Variants in BRD4 observed in about 807,000 individuals in gnomAD.
BRD4 encodes bromodomain-containing protein 4.
BRD4 carries 16 observed loss-of-function variants against 142.1 expected under a neutral mutation model. The observed-to-expected ratio is 0.11, with a 90% CI of 0.08 to 0.17. The LOEUF (loss-of-function observed/expected upper bound fraction) is 0.17. BRD4 is among the 10% of genes least tolerant of loss of function. The probability of loss-of-function intolerance (pLI) is 1.00; values close to 1 mark genes in which losing one functional copy is unlikely to be tolerated. For missense variants in BRD4, 1,424 were observed against 1,810.9 expected, an observed-to-expected ratio of 0.79 and a Z score of 3.88; for synonymous variants, 833 against 707.5, an observed-to-expected ratio of 1.18 and a Z score of -2.82.
At chr19:15,246,985 T>C (rs945020039) in intron 11 of BRD4, 2 of 180,772 alleles carry the variant, frequency 1.1e-5, no homozygotes, top group Non-Finnish European at 1.2e-5. Flanking sequence ...GTGCACAGCT[T>C]CACAACACAC....
intron 11 of BRD4, 176 bp from the exon 12 acceptor site, chr19:15,244,938 C>T (rs550335942): frequency 1.7e-6 from 2 of 1,146,440 alleles, no homozygotes; most frequent in South Asian, 1.6e-5. Context: ...GAGAGACATG[C>T]GAGGCATCAC....
At position 15,239,708 on chromosome 19, in the gene BRD4, C is replaced by G; in HGVS notation, c.3396G>C (p.Glu1132Asp). 1 of 1,596,860 alleles carries G rather than the reference C, an allele frequency of 6.3e-7. No homozygotes were observed. Among genetic ancestry groups the G allele is most frequent in the Non-Finnish European group, 8.5e-7 (1 of 1,178,238 alleles). ...SEPFSPSLRP[E>D]PPKHPESIKA... ...TGATGCTCTCCGGGTGCTTGGGGGG[C>G]TCCGGCCGCAGCGAGGGGCTGAAGG... Residue 1132 changes from glutamate (E) to aspartate (D), a missense_variant, in exon 16 of 20, where the codon GAG becomes GAC. Glu to Asp is a conservative substitution (Grantham distance 45). Coordinates refer to ENST00000679869, the MANE Select transcript of BRD4 (RefSeq NM_001379291.1). This position sits in a 1 kb window ranked among gnomAD's most constrained non-coding sequence, Gnocchi z 7.4.
chr19:15,252,804 C>G (rs1411915189), intron 11 of BRD4, among the ~76,000 whole-genome samples: 2 of 152,170 alleles, frequency 1.3e-5, no homozygotes, highest in African/African-American at 4.8e-5. Flanking sequence ...CAAGGCAAGT[C>G]TCCTCACTCA....
chr19:15,330,154 TACTCGGAGGTGG>T (rs1419235352), intron 1 of BRD4, among the ~76,000 whole-genome samples: 2 of 152,254 alleles, frequency 1.3e-5, no homozygotes, highest in African/African-American at 4.8e-5. Flanking sequence ...GCTAGCAAGA[TACTCGGAGGTGG>T]ACTCGACTCC....
intron 1 of BRD4, among the ~76,000 whole-genome samples, chr19:15,292,478 T>A (rs1214531369): frequency 6.6e-6 from 1 of 152,132 alleles, no homozygotes; most frequent in East Asian, 1.9e-4. Flanking sequence ...CAACTGTAGA[T>A]GTTTCGTTGA....
intron 14 of BRD4, among the ~76,000 whole-genome samples, chr19:15,242,093 C>T (rs1368650351): frequency 6.6e-6 from 1 of 152,126 alleles, no homozygotes; most frequent in Non-Finnish European, 1.5e-5. Context: ...GGATTACAGG[C>T]GTGAGCCACC....
chr19:15,277,907 C>A (rs2145638960), intron 1 of BRD4, among the ~76,000 whole-genome samples: 1 of 151,410 alleles, frequency 6.6e-6, no homozygotes, highest in Admixed American at 6.6e-5. Flanking sequence ...GAGACCGAGA[C>A]CATCCTGGCT....
intron 3 of BRD4, among the ~76,000 whole-genome samples, chr19:15,268,592 T>C (rs1279744245): frequency 1.3e-5 from 2 of 152,164 alleles, no homozygotes; most frequent in Admixed American, 6.5e-5. Context: ...GTCGCCACTA[T>C]TCTCCTCACA....
chr19:15,262,293 T>C (rs1172835897), intron 7 of BRD4, among the ~76,000 whole-genome samples: 4 of 152,140 alleles, frequency 2.6e-5, no homozygotes, highest in Non-Finnish European at 5.9e-5. Context: ...CGCTGAGGCC[T>C]ACAATGAGCA....
chr19:15,244,593 TGATGGTGCTGCAGACA>T lies in BRD4; in HGVS notation c.2212-9_2218del. ...CTGCTGCATCTGCTGATGGTGGTGA[TGATGGTGCTGCAGACA>T]GAGAGACAGACAGACAGACAGGCTG... On this transcript the variant is annotated splice_acceptor_variant and splice_polypyrimidine_tract_variant and coding_sequence_variant and intron_variant, in exon 13 of 20. Transcript: ENST00000679869. LOFTEE classifies it high-confidence loss of function. 4.3e-6 allele frequency: 7 copies of T among 1,611,418 alleles called. No individual in the cohort carries two copies. Among genetic ancestry groups the T allele is most frequent in the Non-Finnish European group, 5.9e-6 (7 of 1,179,804 alleles).
intron 2 of BRD4, among the ~76,000 whole-genome samples, chr19:15,270,042 G>A (rs1047617030): frequency 5.9e-5 from 9 of 152,188 alleles, no homozygotes; most frequent in Non-Finnish European, 1.3e-4. Context: ...CTGACCCACC[G>A]ATAGCCAAAC....
intron 1 of BRD4, among the ~76,000 whole-genome samples, chr19:15,330,734 T>G (rs2048149758): frequency 6.6e-6 from 1 of 152,198 alleles, no homozygotes; most frequent in Non-Finnish European, 1.5e-5. Context: ...GCCACTGCAC[T>G]ACAGCCTGGG....
In BRD4 at chr19:15,267,556, A is replaced by G. The variant is rs774368516; in HGVS notation, c.424-5T>C. 10 of 1,612,522 alleles carry G rather than the reference A, an allele frequency of 6.2e-6. No individual in the cohort carries two copies. The East Asian group carries it at 2.0e-4, about 32-fold the overall frequency. On this transcript the variant is annotated splice_region_variant and splice_polypyrimidine_tract_variant and intron_variant, in intron 3 of 19. Coordinates refer to ENST00000679869, the MANE Select transcript of BRD4 (RefSeq NM_001379291.1). ...TAAGACTATGTCATCTCCAGGCTGG[A>G]TAAGGAGACACAGGGGTAGAGTCAG... is the stretch of plus-strand genomic sequence containing the variant.
intron 9 of BRD4, among the ~76,000 whole-genome samples, chr19:15,255,812 C>T (rs1206610294): frequency 1.3e-5 from 2 of 152,232 alleles, no homozygotes; most frequent in Admixed American, 6.5e-5. Flanking sequence ...GGATGCACTA[C>T]AGCCCCATCC....
intron 1 of BRD4, among the ~76,000 whole-genome samples, chr19:15,320,679 A>G (rs2048053816): frequency 6.6e-6 from 1 of 152,118 alleles, no homozygotes; most frequent in Non-Finnish European, 1.5e-5. Context: ...CAGCCCACCC[A>G]AGTAACTCCT....
At chr19:15,331,791 C>T (rs1260914560) in intron 1 of BRD4, 2 of 150,314 alleles carry the variant, frequency 1.3e-5, no homozygotes, top group African/African-American at 4.9e-5. Flanking sequence ...GGACCGCGGA[C>T]CGGGACAGCT....
At position 15,239,677 on chromosome 19, in the gene BRD4, G is replaced by A. The variant is rs2047222565; in HGVS notation, c.3427C>T (p.Pro1143Ser). 1 of 1,584,770 alleles carries A rather than the reference G, an allele frequency of 6.3e-7. No individual in the cohort carries two copies. Among genetic ancestry groups the A allele is most frequent in the African/African-American group, 1.4e-5 (1 of 73,816 alleles). Residue 1143 changes from proline (P) to serine (S), a missense_variant, in exon 16 of 20, where the codon CCC becomes TCC. Transcript: ENST00000679869. The surrounding 1 kb of genome is among the most constrained non-coding windows in gnomAD (Gnocchi z 7.4). ...CACTCACGCTGGGGCAGGTGGACGG[G>A]GGCCTTGATGCTCTCCGGGTGCTTG... is the stretch of plus-strand genomic sequence containing the variant. ...PPKHPESIKAPVHLPQRPEMK... is the reference protein window; with the variant it reads ...PPKHPESIKASVHLPQRPEMK...
intron 1 of BRD4, among the ~76,000 whole-genome samples, chr19:15,278,272 C>T (rs1252050138): frequency 6.6e-6 from 1 of 152,030 alleles, no homozygotes; most frequent in Admixed American, 6.5e-5. Context: ...TGGCGGGCCA[C>T]ACCTGTAATC....
intron 12 of BRD4, 23 bp from the exon 13 acceptor site, chr19:15,244,623 A>G (rs1162104458): frequency 1.9e-6 from 3 of 1,613,568 alleles, no homozygotes; most frequent in Non-Finnish European, 2.5e-6. Flanking sequence ...AGACAGACAG[A>G]CAGACAGGCT....
Sources: gnomAD v4.1 joint callset for allele counts (sites outside exome capture counted in the v4.1 genomes callset) on GRCh38, gnomAD v4.1.1 for gene constraint, Gnocchi (gnomAD v3.1) non-coding constraint, MANE v1.5 for transcripts, NCBI Gene and HGNC (gene_info 2026-07-23, HGNC 2026-07-21) for gene names.